Variants in IQCJ observed in about 807,000 individuals in gnomAD.
IQCJ encodes IQ domain-containing protein J.
IQCJ carries 9 observed loss-of-function variants against 11.0 expected under a neutral mutation model. The observed-to-expected ratio is 0.82, with a 90% CI of 0.49 to 1.43. The LOEUF (loss-of-function observed/expected upper bound fraction) is 1.43, where lower values mean the gene tolerates loss of function less well. IQCJ is among the 40% of genes most tolerant of loss of function. The probability of loss-of-function intolerance (pLI) is 0.00; values close to 1 mark genes in which losing one functional copy is unlikely to be tolerated. For missense variants in IQCJ, 146 were observed against 133.2 expected (o/e 1.10, Z -0.47); for synonymous variants, 55 against 51.3 (o/e 1.07, Z -0.31).
chr3:159,209,973 G>A (rs1724863997), intron 1 of IQCJ, among the ~76,000 whole-genome samples: 1 of 152,176 alleles, frequency 6.6e-6, no homozygotes, highest in African/African-American at 2.4e-5. Flanking sequence ...TAAATGTCAT[G>A]TTATTACAGA....
chr3:159,114,559 C>A (rs1036192909), intron 1 of IQCJ, among the ~76,000 whole-genome samples: 2 of 152,072 alleles, frequency 1.3e-5, no homozygotes, highest in Non-Finnish European at 2.9e-5. Flanking sequence ...GATCCACCCC[C>A]CCTCGGCCTC....
At chr3:159,254,814 G>A (rs923191691) in intron 3 of IQCJ, among the ~76,000 whole-genome samples, 1 of 152,152 alleles carries the variant, frequency 6.6e-6, no homozygotes, top group East Asian at 1.9e-4. Context: ...AATAGATGGC[G>A]GACACTTTCA....
chr3:159,230,526 T>G (rs917594131), intron 1 of IQCJ, among the ~76,000 whole-genome samples: 1 of 152,214 alleles, frequency 6.6e-6, no homozygotes, highest in Non-Finnish European at 1.5e-5. Context: ...CTACTGGGTC[T>G]GATAAGCAAT....
At chr3:159,152,371 A>G (rs767109644) in intron 1 of IQCJ, among the ~76,000 whole-genome samples, 1 of 152,182 alleles carries the variant, frequency 6.6e-6, no homozygotes, top group Non-Finnish European at 1.5e-5. Flanking sequence ...AGATCCCAGC[A>G]TCCACTATCA....
chr3:159,088,488 C>G (rs978492400), intron 1 of IQCJ, among the ~76,000 whole-genome samples: 20 of 152,246 alleles, frequency 1.3e-4, no homozygotes, highest in Middle Eastern at 6.8e-3. Context: ...GATTTTCTGT[C>G]TCATTGATCT....
chr3:159,075,392 T>A (rs531235737), intron 1 of IQCJ, among the ~76,000 whole-genome samples: 1 of 152,224 alleles, frequency 6.6e-6, no homozygotes, highest in African/African-American at 2.4e-5. Context: ...ACTGAATAAC[T>A]GCCTACATTG....
chr3:159,255,543 C>A (rs79895247), intron 3 of IQCJ, among the ~76,000 whole-genome samples: 1 of 152,092 alleles, frequency 6.6e-6, no homozygotes, highest in Non-Finnish European at 1.5e-5. Flanking sequence ...TGTAAACCTG[C>A]GTGTGGCAAT....
chr3:159,232,621 T>C (rs906600369), intron 1 of IQCJ, among the ~76,000 whole-genome samples: 1 of 152,122 alleles, frequency 6.6e-6, no homozygotes, highest in African/African-American at 2.4e-5. Context: ...TTGCATTTGC[T>C]GAGGAGGGTT....
In IQCJ at chr3:159,135,778, G is replaced by A. The variant is rs1720255184; in HGVS notation, c.9+66337G>A. 1.3e-5 allele frequency among the ~76,000 whole-genome samples: 2 copies of A among 152,166 alleles called. 1 individual carries two copies. Among genetic ancestry groups the A allele is most frequent in the South Asian group, 4.1e-4 (2 of 4,824 alleles). ...ATAATTATGTGGCCAGGAAGAAGGGGAAACTTAGCAGCAGTTTCTGCCACA... is the reference window on the plus strand; with the variant it reads ...ATAATTATGTGGCCAGGAAGAAGGGAAAACTTAGCAGCAGTTTCTGCCACA... On this transcript the variant is annotated intron_variant, in intron 1 of 3. Coordinates refer to ENST00000397832, the MANE Select transcript of IQCJ (RefSeq NM_001042706.3).
chr3:159,248,502 T>C (rs1048011409), intron 2 of IQCJ, among the ~76,000 whole-genome samples: 1 of 152,232 alleles, frequency 6.6e-6, no homozygotes, highest in Non-Finnish European at 1.5e-5. Context: ...ATGAAGACTT[T>C]TCTTTTATAG....
chr3:159,225,734 G>A (rs1255643485), intron 1 of IQCJ, among the ~76,000 whole-genome samples: 1 of 151,382 alleles, frequency 6.6e-6, no homozygotes, highest in Non-Finnish European at 1.5e-5. Context: ...CACCAACTGG[G>A]TGCAGTCAAT....
chr3:159,240,151 A>G (rs886809733), intron 1 of IQCJ, among the ~76,000 whole-genome samples: 4 of 152,202 alleles, frequency 2.6e-5, no homozygotes, highest in African/African-American at 7.2e-5. Context: ...ACCAGAGTCT[A>G]TAGGACTAAA....
chr3:159,259,881 A>C (rs573628991), intron 3 of IQCJ, among the ~76,000 whole-genome samples: 1 of 152,202 alleles, frequency 6.6e-6, no homozygotes, highest in Admixed American at 6.5e-5. Flanking sequence ...AAATATATAT[A>C]TCATAGTATG....
At chr3:159,191,284 C>T (rs1336696792) in intron 1 of IQCJ, among the ~76,000 whole-genome samples, 1 of 152,108 alleles carries the variant, frequency 6.6e-6, no homozygotes, top group Non-Finnish European at 1.5e-5. Context: ...AGTTAGCCAT[C>T]CCTGCCTCAG....
At chr3:159,145,280 G>T (rs143796987) in intron 1 of IQCJ, among the ~76,000 whole-genome samples, 1 of 152,296 alleles carries the variant, frequency 6.6e-6, no homozygotes, top group East Asian at 1.9e-4. Context: ...GTGGAGAAAG[G>T]GTCAAACCAG....
chr3:159,201,425 CATT>C (rs1488084517), intron 1 of IQCJ, among the ~76,000 whole-genome samples: 2 of 152,016 alleles, frequency 1.3e-5, no homozygotes, highest in Non-Finnish European at 2.9e-5. Context: ...TTAGAAAAAA[CATT>C]ATCAATATTA....
intron 1 of IQCJ, among the ~76,000 whole-genome samples, chr3:159,091,204 G>T (rs1717253314): frequency 6.6e-6 from 1 of 151,694 alleles, no homozygotes; most frequent in Non-Finnish European, 1.5e-5. Flanking sequence ...TACAGGTGTA[G>T]GGCAGAGACA....
chr3:159,087,970 G>A (rs1380587167), intron 1 of IQCJ, among the ~76,000 whole-genome samples: 1 of 149,976 alleles, frequency 6.7e-6, no homozygotes, highest in Non-Finnish European at 1.5e-5. Flanking sequence ...GCTTTTGAAT[G>A]TGTTTGCTCT....
chr3:159,244,424 C>A (rs1727123179), intron 1 of IQCJ, among the ~76,000 whole-genome samples: 1 of 152,086 alleles, frequency 6.6e-6, no homozygotes, highest in African/African-American at 2.4e-5. Context: ...AAGAAATGGC[C>A]ATCTCTTAAG....
Sources: gnomAD v4.1 joint callset for allele counts (sites outside exome capture counted in the v4.1 genomes callset) on GRCh38, gnomAD v4.1.1 for gene constraint, MANE v1.5 for transcripts, NCBI Gene and HGNC (gene_info 2026-07-23, HGNC 2026-07-21) for gene names.